The following TMEM132D variants were observed in gnomAD, a reference collection of about 807,000 sequenced individuals.
TMEM132D encodes the protein mature OL transmembrane protein.
A neutral mutation model predicts 62.3 loss-of-function variants in TMEM132D; 21 were observed. The observed-to-expected ratio is 0.34, with a 90% CI of 0.24 to 0.49. The LOEUF is 0.49. Ranked by LOEUF, TMEM132D falls within the 20% of genes least tolerant of loss-of-function variation. The pLI is 0.99. For synonymous variants in TMEM132D, 621 were observed against 575.6 expected (o/e 1.08, Z -1.13); for missense variants, 1,346 against 1,402.8 (o/e 0.96, Z 0.65).
chr12:129,508,427 A>G (rs1875405519), intron 3 of TMEM132D, among the ~76,000 whole-genome samples: 1 of 152,204 alleles, frequency 6.6e-6, no homozygotes, highest in Non-Finnish European at 1.5e-5. Context: ...GTATAAAGAA[A>G]GCAGACAATG....
At chr12:129,420,964 T>TC (rs1872303367) in intron 3 of TMEM132D, among the ~76,000 whole-genome samples, 1 of 131,502 alleles carries the variant, frequency 7.6e-6, no homozygotes, top group African/African-American at 3.9e-5. Context: ...AGATCTACCT[T>TC]TTTTTTTTTT....
chr12:129,759,041 C>G (rs1013307853), intron 1 of TMEM132D, among the ~76,000 whole-genome samples: 3 of 151,560 alleles, frequency 2.0e-5, no homozygotes, highest in African/African-American at 7.3e-5. Flanking sequence ...TCAAGTGATT[C>G]TCCTACTTCA....
At chr12:129,409,251 T>G (rs1871891908) in intron 3 of TMEM132D, among the ~76,000 whole-genome samples, 1 of 152,094 alleles carries the variant, frequency 6.6e-6, no homozygotes, top group East Asian at 1.9e-4. Flanking sequence ...TCTCTTTTAT[T>G]TGAAGTGTTC....
intron 3 of TMEM132D, among the ~76,000 whole-genome samples, chr12:129,440,711 G>A (rs941478696): frequency 6.6e-6 from 1 of 152,248 alleles, no homozygotes; most frequent in Non-Finnish European, 1.5e-5. Flanking sequence ...GCTACATGAC[G>A]GATGCAGATA....
At chr12:129,369,908 G>T (rs1256129616) in intron 3 of TMEM132D, among the ~76,000 whole-genome samples, 1 of 152,218 alleles carries the variant, frequency 6.6e-6, no homozygotes, top group Non-Finnish European at 1.5e-5. Context: ...TACCGGGGAA[G>T]GGATCTCAAA....
At chr12:129,764,010 A>G (rs1041327740) in intron 1 of TMEM132D, among the ~76,000 whole-genome samples, 4 of 152,116 alleles carry the variant, frequency 2.6e-5, no homozygotes, top group Admixed American at 2.6e-4. Flanking sequence ...TCTCATGGTT[A>G]CCCTCTGCCT....
chr12:129,579,500 G>A (rs189255582), intron 2 of TMEM132D, among the ~76,000 whole-genome samples: 183 of 152,262 alleles, frequency 1.2e-3, no homozygotes, highest in Non-Finnish European at 2.3e-3. Flanking sequence ...TGGAGAAACC[G>A]ACATTGCATC....
chr12:129,145,305 T>C (rs1445866160), intron 5 of TMEM132D, among the ~76,000 whole-genome samples: 1 of 152,170 alleles, frequency 6.6e-6, no homozygotes, highest in African/African-American at 2.4e-5. Context: ...ACTACTGGAT[T>C]GTTACTCCCA....
chr12:129,367,801 T>C (rs1870468324), intron 3 of TMEM132D, among the ~76,000 whole-genome samples: 2 of 151,390 alleles, frequency 1.3e-5, no homozygotes, highest in Admixed American at 6.6e-5. Flanking sequence ...TTTTCGTTTT[T>C]TTGAGACAGA....
At chr12:129,381,393 T>C (rs529295433) in intron 3 of TMEM132D, among the ~76,000 whole-genome samples, 28 of 152,326 alleles carry the variant, frequency 1.8e-4, no homozygotes, top group Non-Finnish European at 3.5e-4. Flanking sequence ...GGAAAACACT[T>C]CTTTTCACAT....
chr12:129,781,480 T>A (rs539644845), intron 1 of TMEM132D, among the ~76,000 whole-genome samples: 1 of 152,314 alleles, frequency 6.6e-6, no homozygotes, highest in South Asian at 2.1e-4. Context: ...AAAATGATAA[T>A]AAGGTCATCC....
At chr12:129,148,922 G>A (rs951715093) in intron 5 of TMEM132D, among the ~76,000 whole-genome samples, 4 of 151,896 alleles carry the variant, frequency 2.6e-5, no homozygotes, top group East Asian at 1.9e-4. Flanking sequence ...CCCGGATGGC[G>A]CTGGCTCCTT....
intron 1 of TMEM132D, among the ~76,000 whole-genome samples, chr12:129,712,577 G>C (rs1284155381): frequency 6.6e-6 from 1 of 152,134 alleles, no homozygotes; most frequent in Non-Finnish European, 1.5e-5. Flanking sequence ...AGTGGAACGG[G>C]GCCACGCACC....
intron 1 of TMEM132D, among the ~76,000 whole-genome samples, chr12:129,891,673 C>T (rs536998432): frequency 6.6e-6 from 1 of 152,192 alleles, no homozygotes; most frequent in South Asian, 2.1e-4. Flanking sequence ...AAATTATGCA[C>T]AAAGATAATT....
intron 2 of TMEM132D, among the ~76,000 whole-genome samples, chr12:129,687,251 G>T (rs1235679660): frequency 6.6e-6 from 1 of 152,166 alleles, no homozygotes; most frequent in Non-Finnish European, 1.5e-5. Flanking sequence ...GCATATAAAG[G>T]AGGAATGTGA....
chr12:129,695,650 C>T (rs560783452), intron 2 of TMEM132D, among the ~76,000 whole-genome samples: 6 of 152,356 alleles, frequency 3.9e-5, no homozygotes, highest in Admixed American at 1.3e-4. Flanking sequence ...AAGGGTAATT[C>T]GAGGAACCAT....
intron 2 of TMEM132D, among the ~76,000 whole-genome samples, chr12:129,566,013 T>C (rs1291643846): frequency 6.6e-6 from 1 of 152,250 alleles, no homozygotes; most frequent in Non-Finnish European, 1.5e-5. Flanking sequence ...CGTATAGCAC[T>C]ATACCGCACA....
chr12:129,479,034 C>A, intron 3 of TMEM132D, among the ~76,000 whole-genome samples: 1 of 152,198 alleles, frequency 6.6e-6, no homozygotes, highest in East Asian at 1.9e-4. Context: ...GCGTGGACTT[C>A]TAGTGCATGA....
intron 1 of TMEM132D, among the ~76,000 whole-genome samples, chr12:129,895,994 A>C (rs1230301319): frequency 7.1e-6 from 1 of 139,928 alleles, no homozygotes. Context: ...GTTTGGAGAC[A>C]GGGTCTCACT....
Sources: gnomAD v4.1 joint callset for allele counts (sites outside exome capture counted in the v4.1 genomes callset) on GRCh38, gnomAD v4.1.1 for gene constraint, MANE v1.5 for transcripts, NCBI Gene and HGNC (gene_info 2026-07-23, HGNC 2026-07-21) for gene names.